KLF12: variants seen among roughly 807,000 people sequenced by gnomAD.
KLF12 encodes KLF transcription factor 12.
KLF12 carries 9 observed loss-of-function variants against 37.8 expected under a neutral mutation model. The observed-to-expected ratio is 0.24, with a 90% CI of 0.14 to 0.42. KLF12 has a LOEUF of 0.42. Among genes scored for constraint, KLF12 ranks in the 10% least tolerant of loss-of-function variants. KLF12 has a pLI of 1.00. For missense variants in KLF12, 411 were observed against 516.0 expected (o/e 0.80, Z 1.97); for synonymous variants, 208 against 202.1 (o/e 1.03, Z -0.25).
At chr13:73,839,701 A>C (rs1225989627) in intron 4 of KLF12, among the ~76,000 whole-genome samples, 1 of 152,194 alleles carries the variant, frequency 6.6e-6, no homozygotes, top group Non-Finnish European at 1.5e-5. Context: ...CAAAGTCCTT[A>C]ATTGCACGTT....
intron 6 of KLF12, among the ~76,000 whole-genome samples, chr13:73,739,677 C>T (rs1310211327): frequency 1.6e-5 from 2 of 126,112 alleles, no homozygotes; most frequent in East Asian, 2.2e-4. Flanking sequence ...GCACTAGAGT[C>T]TCCTTTTTTT....
intron 3 of KLF12, among the ~76,000 whole-genome samples, chr13:73,880,511 C>CGATGAGG (rs1188036037): frequency 1.3e-5 from 2 of 152,184 alleles, no homozygotes; most frequent in African/African-American, 4.8e-5. Context: ...GAATTGCCTC[C>CGATGAGG]AACCTGTGAC....
the KLF12 span, among the ~76,000 whole-genome samples, chr13:74,180,711 G>A: frequency 6.6e-6 from 1 of 152,240 alleles, no homozygotes; most frequent in African/African-American, 2.4e-5. Flanking sequence ...TGCTGTGCCT[G>A]GGAATCAGTA....
intron 6 of KLF12, among the ~76,000 whole-genome samples, chr13:73,729,313 G>A (rs1157141685): frequency 6.6e-6 from 1 of 152,194 alleles, no homozygotes; most frequent in Non-Finnish European, 1.5e-5. Flanking sequence ...CATATTGCTA[G>A]GTATTTCTGT....
intron 3 of KLF12, among the ~76,000 whole-genome samples, chr13:73,865,019 A>C (rs1165974833): frequency 6.6e-6 from 1 of 152,116 alleles, no homozygotes; most frequent in African/African-American, 2.4e-5. Context: ...ATATACAGTT[A>C]TATAATAAAA....
chr13:74,119,394 A>C (rs138937832), intron 1 of KLF12, among the ~76,000 whole-genome samples: 1 of 152,114 alleles, frequency 6.6e-6, no homozygotes, highest in East Asian at 1.9e-4. Flanking sequence ...CAACAGATAA[A>C]CCTGTCAACA....
At chr13:74,195,854 G>T in the KLF12 span, among the ~76,000 whole-genome samples, 1 of 152,120 alleles carries the variant, frequency 6.6e-6, no homozygotes, top group South Asian at 2.1e-4. Context: ...AAACTGCTGG[G>T]ATTACAGGTG....
chr13:73,829,092 G>A (rs1884009662), intron 4 of KLF12, among the ~76,000 whole-genome samples: 1 of 152,084 alleles, frequency 6.6e-6, no homozygotes, highest in Non-Finnish European at 1.5e-5. Flanking sequence ...TACAGAGCTT[G>A]TCTCACTGTG....
chr13:73,799,124 T>G (rs1286964949), intron 5 of KLF12, among the ~76,000 whole-genome samples: 3 of 151,826 alleles, frequency 2.0e-5, no homozygotes, highest in East Asian at 1.9e-4. Flanking sequence ...ATGGATGGAG[T>G]TGGAGGTCAT....
the KLF12 span, among the ~76,000 whole-genome samples, chr13:74,273,630 T>C: frequency 6.6e-6 from 1 of 152,088 alleles, no homozygotes; most frequent in Non-Finnish European, 1.5e-5. Flanking sequence ...TTAATAATCA[T>C]AATAAACCTG....
the KLF12 span, among the ~76,000 whole-genome samples, chr13:74,240,093 T>C: frequency 6.6e-6 from 1 of 152,226 alleles, no homozygotes; most frequent in Non-Finnish European, 1.5e-5. Flanking sequence ...GGTTGTTCTT[T>C]TCCATGTTTA....
intron 2 of KLF12, among the ~76,000 whole-genome samples, 169 bp downstream of exon 2, chr13:73,994,821 T>G (rs1263796219): frequency 1.3e-5 from 2 of 152,180 alleles, no homozygotes; most frequent in South Asian, 4.1e-4. Flanking sequence ...ATATAATTTT[T>G]TAAGGGGCTA....
chr13:74,074,148 G>C (rs1220711843), intron 1 of KLF12, among the ~76,000 whole-genome samples: 2 of 151,316 alleles, frequency 1.3e-5, no homozygotes, highest in Non-Finnish European at 2.9e-5. Context: ...TCTCATTCGA[G>C]AGAGAGAGAG....
chr13:73,714,472 G>A (rs912286784), intron 7 of KLF12, among the ~76,000 whole-genome samples: 4 of 152,168 alleles, frequency 2.6e-5, no homozygotes, highest in African/African-American at 4.8e-5. Flanking sequence ...AAGGAAAGAC[G>A]CTGGACTGGA....
intron 4 of KLF12, among the ~76,000 whole-genome samples, chr13:73,817,606 G>T (rs1328310241): frequency 6.6e-6 from 1 of 152,174 alleles, no homozygotes; most frequent in African/African-American, 2.4e-5. Context: ...TCTGTACATA[G>T]TGAACTGTAA....
chr13:73,979,354 AAC>A (rs71115629), intron 2 of KLF12, among the ~76,000 whole-genome samples: 39,698 of 139,428 alleles, frequency 0.28, 5,816 homozygotes, highest in South Asian at 0.36. Context: ...TCTGCTTTTA[AAC>A]ACACACACAC....
chr13:73,929,329 T>G (rs1471146098), intron 3 of KLF12, among the ~76,000 whole-genome samples: 1 of 152,156 alleles, frequency 6.6e-6, no homozygotes, highest in Non-Finnish European at 1.5e-5. Flanking sequence ...TTCTTTACTT[T>G]CCCAGAAACT....
At chr13:74,021,178 T>C (rs1251712928) in intron 1 of KLF12, among the ~76,000 whole-genome samples, 1 of 152,074 alleles carries the variant, frequency 6.6e-6, no homozygotes, top group Admixed American at 6.6e-5. Context: ...AAAGAATGAT[T>C]GGTGTCATGA....
chr13:73,851,517 C>T (rs1014764169), intron 3 of KLF12, among the ~76,000 whole-genome samples: 1 of 152,140 alleles, frequency 6.6e-6, no homozygotes, highest in Non-Finnish European at 1.5e-5. Context: ...AACTGACTGG[C>T]CTGATTTCTT....
Sources: allele counts gnomAD v4.1 joint callset (sites outside exome capture counted in the v4.1 genomes callset), GRCh38; gene constraint gnomAD v4.1.1; transcripts MANE v1.5; gene names NCBI Gene and HGNC (gene_info 2026-07-23, HGNC 2026-07-21).